Variants in SLIT3 observed in about 807,000 individuals in gnomAD.
SLIT3 encodes the protein slit guidance ligand 3.
SLIT3 carries 68 observed loss-of-function variants against 184.0 expected under a neutral mutation model. The observed-to-expected ratio is 0.37, with a 90% CI of 0.30 to 0.45. The LOEUF (loss-of-function observed/expected upper bound fraction) is 0.45. Ranked by LOEUF, SLIT3 falls within the 20% of genes least tolerant of loss-of-function variation. The pLI is 1.00. For missense variants in SLIT3, 1,707 were observed against 2,026.0 expected (o/e 0.84, Z 3.02); for synonymous variants, 831 against 828.6 (o/e 1.00, Z -0.05).
intron 4 of SLIT3, among the ~76,000 whole-genome samples, chr5:169,140,428 A>G (rs1761682075): frequency 7.2e-6 from 1 of 139,030 alleles, no homozygotes; most frequent in African/African-American, 2.7e-5. Context: ...TGCAGTGAGC[A>G]GAGATTGCGC....
intron 16 of SLIT3, among the ~76,000 whole-genome samples, chr5:168,757,002 A>G (rs1754969564): frequency 6.6e-6 from 1 of 152,230 alleles, no homozygotes. Flanking sequence ...TTTCCAGAAA[A>G]GCTGGCTGCT....
chr5:169,109,446 C>A (rs937703383), intron 4 of SLIT3, among the ~76,000 whole-genome samples: 1 of 152,224 alleles, frequency 6.6e-6, no homozygotes, highest in Non-Finnish European at 1.5e-5. Flanking sequence ...CCAACCAACA[C>A]CTCGTTTACA....
At chr5:169,128,274 T>TTA (rs909114082) in intron 4 of SLIT3, among the ~76,000 whole-genome samples, 287 of 146,580 alleles carry the variant, frequency 2.0e-3, no homozygotes, top group Non-Finnish European at 2.0e-3. Context: ...ATATATATAT[T>TTA]TATATATATA....
chr5:169,142,960 AC>A (rs1179325127), intron 4 of SLIT3, among the ~76,000 whole-genome samples: 2 of 152,198 alleles, frequency 1.3e-5, no homozygotes, highest in African/African-American at 4.8e-5. Context: ...GCCAGAGGCC[AC>A]CTTTCTTGCT....
chr5:169,104,297 A>G (rs1047626559), intron 4 of SLIT3, among the ~76,000 whole-genome samples: 23 of 152,276 alleles, frequency 1.5e-4, no homozygotes, highest in African/African-American at 5.3e-4. Flanking sequence ...AGTGATGGAA[A>G]ATGCCTGAAG....
chr5:169,085,044 G>A (rs777033614), intron 4 of SLIT3, among the ~76,000 whole-genome samples: 25 of 152,204 alleles, frequency 1.6e-4, no homozygotes, highest in South Asian at 4.1e-4. Context: ...GCAGCAACAC[G>A]TGGAGGAGAT....
intron 4 of SLIT3, among the ~76,000 whole-genome samples, chr5:168,908,486 G>A (rs1261812996): frequency 2.0e-5 from 3 of 152,180 alleles, no homozygotes; most frequent in Non-Finnish European, 4.4e-5. Flanking sequence ...ACACTGAAGA[G>A]CCTGAATTAA....
At chr5:168,814,541 C>G (rs991210174) in intron 8 of SLIT3, among the ~76,000 whole-genome samples, 1 of 152,086 alleles carries the variant, frequency 6.6e-6, no homozygotes, top group African/African-American at 2.4e-5. Flanking sequence ...GTGGTCAGTC[C>G]TTGAAAATAG....
intron 4 of SLIT3, among the ~76,000 whole-genome samples, chr5:169,047,574 A>T (rs1322111649): frequency 1.1e-5 from 1 of 89,914 alleles, no homozygotes; most frequent in African/African-American, 7.4e-5. Flanking sequence ...GGAGACCTAG[A>T]TGGAGCCTAC....
At chr5:168,759,256 T>C (rs1318032628) in intron 16 of SLIT3, among the ~76,000 whole-genome samples, 1 of 152,200 alleles carries the variant, frequency 6.6e-6, no homozygotes, top group African/African-American at 2.4e-5. Context: ...AAATACAAGA[T>C]TAGGGTCCTG....
intron 4 of SLIT3, among the ~76,000 whole-genome samples, chr5:169,107,738 G>A (rs1265606485): frequency 6.6e-6 from 1 of 152,238 alleles, no homozygotes; most frequent in Non-Finnish European, 1.5e-5. Context: ...TCTTGCTCCA[G>A]CCCAATTTGC....
chr5:169,214,099 A>G (rs974595284), intron 3 of SLIT3, among the ~76,000 whole-genome samples: 1 of 142,440 alleles, frequency 7.0e-6, no homozygotes, highest in Non-Finnish European at 1.5e-5. Context: ...CAGTCTTCTC[A>G]TCTGTTAAAT....
intron 1 of SLIT3, among the ~76,000 whole-genome samples, chr5:169,264,178 G>A (rs1478361922): frequency 6.6e-6 from 1 of 152,002 alleles, no homozygotes; most frequent in Non-Finnish European, 1.5e-5. Context: ...TTTAGCCAAA[G>A]GAAGATGCTT....
intron 4 of SLIT3, among the ~76,000 whole-genome samples, chr5:168,942,175 C>T (rs184433153): frequency 8.5e-5 from 13 of 152,238 alleles, no homozygotes; most frequent in African/African-American, 2.9e-4. Context: ...AGCTCCAGAA[C>T]CTTTACAGGA....
At chr5:169,197,382 C>A (rs1365717038) in intron 3 of SLIT3, among the ~76,000 whole-genome samples, 1 of 152,088 alleles carries the variant, frequency 6.6e-6, no homozygotes, top group African/African-American at 2.4e-5. Flanking sequence ...TAAATATGGG[C>A]CTGGAAAGTC....
chr5:168,991,385 C>T (rs1042006053), intron 4 of SLIT3, among the ~76,000 whole-genome samples: 1 of 152,228 alleles, frequency 6.6e-6, no homozygotes, highest in Non-Finnish European at 1.5e-5. Flanking sequence ...CAGCATGGGG[C>T]AGTCACCTGC....
intron 4 of SLIT3, among the ~76,000 whole-genome samples, chr5:169,028,429 T>C (rs973117066): frequency 1.3e-5 from 2 of 152,176 alleles, no homozygotes; most frequent in Admixed American, 6.5e-5. Context: ...TGAGATGAAT[T>C]CTCTTGTCTT....
At chr5:168,942,677 T>C (rs1762365049) in intron 4 of SLIT3, among the ~76,000 whole-genome samples, 1 of 151,004 alleles carries the variant, frequency 6.6e-6, no homozygotes, top group South Asian at 2.1e-4. Flanking sequence ...CCTTTCCTGG[T>C]ATCTTGAATT....
intron 16 of SLIT3, among the ~76,000 whole-genome samples, chr5:168,758,681 T>C (rs1755034858): frequency 6.6e-6 from 1 of 152,144 alleles, no homozygotes; most frequent in African/African-American, 2.4e-5. Context: ...AGGTGGTGGC[T>C]GCAGGCAGGG....
Sources: allele counts gnomAD v4.1 joint callset (sites outside exome capture counted in the v4.1 genomes callset), GRCh38; gene constraint gnomAD v4.1.1; transcripts MANE v1.5; gene names NCBI Gene and HGNC (gene_info 2026-07-23, HGNC 2026-07-21).